Variants in PCDHGA1 observed in about 807,000 individuals in gnomAD.
PCDHGA1 encodes protocadherin gamma subfamily A, 1, also known as protocadherin gamma-A1.
In PCDHGA1, 32 loss-of-function variants were observed where a neutral mutation model predicts 58.0. That is an observed-to-expected ratio of 0.55 (90% CI 0.42 to 0.74). The LOEUF (loss-of-function observed/expected upper bound fraction) is 0.74, where lower values mean the gene tolerates loss of function less well. PCDHGA1 is among the 30% of genes least tolerant of loss of function. The probability of loss-of-function intolerance (pLI) is 0.00; values close to 1 mark genes in which losing one functional copy is unlikely to be tolerated. For missense variants in PCDHGA1, 1,205 were observed against 1,182.3 expected (o/e 1.02, Z -0.28); for synonymous variants, 498 against 501.1 (o/e 0.99, Z 0.08).
chr5:141,370,355 C>A, intron 1 of PCDHGA1: 3 of 1,508,892 alleles, frequency 2.0e-6, no homozygotes, highest in Non-Finnish European at 1.8e-6. Flanking sequence ...TAAAGATCTC[C>A]TCTCCTCGGA....
At chr5:141,464,408 T>C (rs2154568477) in intron 1 of PCDHGA1, among the ~76,000 whole-genome samples, 1 of 151,718 alleles carries the variant, frequency 6.6e-6, no homozygotes, top group African/African-American at 2.4e-5. Flanking sequence ...CTGAGATATA[T>C]ATATATCTAT....
intron 1 of PCDHGA1, 58 bp from the exon 2 acceptor site, chr5:141,494,749 G>A (rs573811540): frequency 2.9e-5 from 47 of 1,612,698 alleles, no homozygotes; most frequent in Non-Finnish European, 3.6e-5. Flanking sequence ...CTAGGGGCTC[G>A]GGTGACATTC....
intron 1 of PCDHGA1, chr5:141,344,220 G>A: frequency 6.2e-7 from 1 of 1,614,036 alleles, no homozygotes. Flanking sequence ...GGCGGAGCGC[G>A]GAGTCCGCAT....
Position 141,418,943 on chromosome 5 carries a change from C to T in PCDHGA1, c.2422-75864C>T, listed in dbSNP as rs751344893. On this transcript the variant is annotated intron_variant, in intron 1 of 3. Coordinates refer to ENST00000517417, the MANE Select transcript of PCDHGA1 (RefSeq NM_018912.3). ...TGATCAGATTATGGAGGATTCCCCT[C>T]CAGGAGTGGTTGTTGCCCTCTTCAA... The T allele has an allele frequency of 3.1e-6, 5 of 1,613,914 alleles. No homozygotes were observed. The African/African-American group carries it at 6.7e-5, about 22-fold the overall frequency.
In PCDHGA1 at chr5:141,340,425, C is replaced by T. The variant is rs776911613; in HGVS notation, c.2421+7320C>T. 5.0e-6 allele frequency: 8 copies of T among 1,614,236 alleles called. No individual in the cohort carries two copies. In the Admixed American group the frequency reaches 8.3e-5, roughly 17 times the overall value. ...CATGACCCCGACAGCAACGACAATG[C>T]TCATGTAACTTACTCTTTCGCGGAG... On this transcript the variant is annotated intron_variant, in intron 1 of 3. Transcript: ENST00000517417.
chr5:141,371,043 G>A, intron 1 of PCDHGA1: 1 of 1,613,966 alleles, frequency 6.2e-7, no homozygotes, highest in Non-Finnish European at 8.5e-7. Context: ...AGCTGTGGAT[G>A]GGGGCGAGCC....
intron 1 of PCDHGA1, chr5:141,365,860 C>T (rs1422476891): frequency 6.2e-7 from 1 of 1,614,082 alleles, no homozygotes; most frequent in African/African-American, 1.3e-5. Context: ...TTAACTCTGA[C>T]ACCGGTGTCC....
intron 1 of PCDHGA1, chr5:141,388,282 T>A: frequency 6.2e-7 from 1 of 1,613,222 alleles, no homozygotes; most frequent in South Asian, 1.1e-5. Context: ...ACGCCAAAAT[T>A]CACGCAAAAT....
At chr5:141,365,366 G>A (rs764735476) in intron 1 of PCDHGA1, 15 of 1,613,910 alleles carry the variant, frequency 9.3e-6, no homozygotes, top group Middle Eastern at 1.6e-4. Flanking sequence ...CAATGCCCCC[G>A]AAGTGATCCT....
At chr5:141,354,754 C>A (rs1399681540) in intron 1 of PCDHGA1, among the ~76,000 whole-genome samples, 2 of 152,014 alleles carry the variant, frequency 1.3e-5, no homozygotes, top group East Asian at 3.9e-4. Flanking sequence ...AGAGGAAGAA[C>A]ACATCTTAGG....
At chr5:141,478,074 A>G in intron 1 of PCDHGA1, 1 of 1,614,090 alleles carries the variant, frequency 6.2e-7, no homozygotes, top group Non-Finnish European at 8.5e-7. Context: ...GACAATGGGG[A>G]GCCTTCGCTC....
At chr5:141,338,656 A>T in intron 1 of PCDHGA1, 1 of 262,092 alleles carries the variant, frequency 3.8e-6, no homozygotes, top group Non-Finnish European at 6.7e-6. Context: ...ACAAAGGCAA[A>T]CAAACAAGAA....
intron 1 of PCDHGA1, among the ~76,000 whole-genome samples, chr5:141,438,002 A>G (rs200179547): frequency 1.3e-5 from 2 of 152,072 alleles, no homozygotes; most frequent in East Asian, 1.9e-4. Flanking sequence ...CAGCCTCCCA[A>G]ATAGCTGAGA....
Position 141,485,138 on chromosome 5 carries a change from T to A in PCDHGA1, c.2422-9669T>A, listed in dbSNP as rs374309554. On this transcript the variant is annotated intron_variant, in intron 1 of 3. Coordinates refer to ENST00000517417, the MANE Select transcript of PCDHGA1 (RefSeq NM_018912.3). This position sits in a 1 kb window ranked among gnomAD's most constrained non-coding sequence, Gnocchi z 5.7. ...TTGGGGCGGGTCGGCTTCATCCGCG[T>A]CTCAGGAGCAAGTAGAGAATTAGCG... is the stretch of plus-strand genomic sequence containing the variant. 17 of 1,528,690 alleles carry A rather than the reference T, an allele frequency of 1.1e-5. No individual in the cohort carries two copies. The highest frequency in any genetic ancestry group is 1.3e-5 in the Non-Finnish European group (14 of 1,109,458). 94.7% of individuals were successfully genotyped at this position (1,528,690 alleles called of 1,614,324 possible).
chr5:141,431,571 A>T lies in PCDHGA1; in HGVS notation c.2422-63236A>T, dbSNP rs781289120. 1.2e-6 allele frequency: 2 copies of T among 1,614,026 alleles called. No homozygotes were observed. Among genetic ancestry groups the T allele is most frequent in the African/African-American group, 1.3e-5 (1 of 74,938 alleles). On this transcript the variant is annotated intron_variant, in intron 1 of 3. Coordinates refer to ENST00000517417, the MANE Select transcript of PCDHGA1 (RefSeq NM_018912.3). This position sits in a 1 kb window ranked among gnomAD's most constrained non-coding sequence, Gnocchi z 4.8. ...GTAGTCAACGCTACCGACCCTGACG[A>T]AGGAGTCAATGCGGAAGTGAGGTAT...
chr5:141,390,388 G>A, intron 1 of PCDHGA1: 1 of 1,423,474 alleles, frequency 7.0e-7, no homozygotes, highest in African/African-American at 1.4e-5. Flanking sequence ...TAGATGTCAT[G>A]GATCATTTTA....
At chr5:141,445,751 G>A (rs1211416281) in intron 1 of PCDHGA1, among the ~76,000 whole-genome samples, 1 of 152,102 alleles carries the variant, frequency 6.6e-6, no homozygotes, top group East Asian at 1.9e-4. Context: ...AAAAATAAAA[G>A]GTGTGACTCA....
At chr5:141,478,063 A>G in intron 1 of PCDHGA1, 1 of 1,614,168 alleles carries the variant, frequency 6.2e-7, no homozygotes, top group Non-Finnish European at 8.5e-7. Context: ...TCTTGATCAA[A>G]GACAATGGGG....
chr5:141,415,017 G>A lies in PCDHGA1; in HGVS notation c.2422-79790G>A, dbSNP rs1344566574. ...CCTGGCTGTCCTACCGTCTGCTCAA[G>A]GCCAGCGAGCCGGGACTCTTCGCGG... On this transcript the variant is annotated intron_variant, in intron 1 of 3. Transcript: ENST00000517417. The A allele has an allele frequency of 1.9e-6, 3 of 1,613,574 alleles. No homozygotes were observed. In the Admixed American group the frequency reaches 5.0e-5, roughly 27 times the overall value.
Sources: gnomAD v4.1 joint callset for allele counts (sites outside exome capture counted in the v4.1 genomes callset) on GRCh38, gnomAD v4.1.1 for gene constraint, Gnocchi (gnomAD v3.1) non-coding constraint, MANE v1.5 for transcripts, NCBI Gene and HGNC (gene_info 2026-07-23, HGNC 2026-07-21) for gene names.